Variants in PTPRN2 observed in about 807,000 individuals in gnomAD.
The protein encoded by PTPRN2 is receptor-type tyrosine-protein phosphatase N2.
PTPRN2 carries 74 observed loss-of-function variants against 118.8 expected under a neutral mutation model. That is an observed-to-expected ratio of 0.62 (90% CI 0.52 to 0.76). PTPRN2 has a LOEUF of 0.76. PTPRN2 is among the 30% of genes least tolerant of loss of function. The pLI, the probability that PTPRN2 is intolerant of heterozygous loss-of-function variation, is 0.00. For missense variants in PTPRN2, 1,481 were observed against 1,394.4 expected (o/e 1.06, Z -0.99); for synonymous variants, 641 against 608.0 (o/e 1.05, Z -0.80).
chr7:157,722,866 C>A (rs992930451), intron 12 of PTPRN2, among the ~76,000 whole-genome samples: 11 of 152,090 alleles, frequency 7.2e-5, no homozygotes, highest in African/African-American at 2.4e-4. Context: ...TGGGGCCATG[C>A]TTGGTGGTGG....
At chr7:157,721,025 G>A (rs1049911305) in intron 12 of PTPRN2, among the ~76,000 whole-genome samples, 2 of 138,334 alleles carry the variant, frequency 1.4e-5, no homozygotes, top group Non-Finnish European at 3.2e-5. Flanking sequence ...CGGGATGGAC[G>A]TGGGTCCACA....
At chr7:158,248,431 G>A (rs533226399) in intron 3 of PTPRN2, among the ~76,000 whole-genome samples, 2 of 152,310 alleles carry the variant, frequency 1.3e-5, no homozygotes, top group South Asian at 2.1e-4. Flanking sequence ...CAGGAAGCTT[G>A]TTTCTCATTT....
At chr7:158,448,649 C>A (rs1334579320) in intron 2 of PTPRN2, among the ~76,000 whole-genome samples, 1 of 152,190 alleles carries the variant, frequency 6.6e-6, no homozygotes, top group Non-Finnish European at 1.5e-5. Context: ...ATGGGGCAGT[C>A]CCACCTTAAG....
At chr7:158,258,609 C>G (rs1211513294) in intron 3 of PTPRN2, among the ~76,000 whole-genome samples, 1 of 152,202 alleles carries the variant, frequency 6.6e-6, no homozygotes, top group Non-Finnish European at 1.5e-5. Flanking sequence ...CTCCCCTGCC[C>G]CCCAGTCACA....
chr7:158,520,093 C>A (rs1483613935), intron 1 of PTPRN2, among the ~76,000 whole-genome samples: 1 of 152,226 alleles, frequency 6.6e-6, no homozygotes, highest in South Asian at 2.1e-4. Context: ...CTTGTCATTT[C>A]TTTTAACAAA....
intron 2 of PTPRN2, among the ~76,000 whole-genome samples, chr7:158,461,815 G>A (rs532205098): frequency 1.3e-5 from 2 of 152,302 alleles, no homozygotes. Context: ...TGTAACAAAC[G>A]TGCTTTCAAT....
intron 12 of PTPRN2, among the ~76,000 whole-genome samples, chr7:157,819,740 G>A (rs376653093): frequency 9.2e-5 from 14 of 152,104 alleles, no homozygotes; most frequent in African/African-American, 2.7e-4. Flanking sequence ...CCCTCTGCAC[G>A]CCCCATCACC....
At chr7:158,503,739 G>A (rs1487583185) in intron 1 of PTPRN2, among the ~76,000 whole-genome samples, 5 of 152,206 alleles carry the variant, frequency 3.3e-5, no homozygotes, top group African/African-American at 1.2e-4. Context: ...GGTGGCTCAC[G>A]CCTGTAATCC....
At chr7:158,100,305 A>C (rs1815132485) in intron 10 of PTPRN2, among the ~76,000 whole-genome samples, 1 of 150,290 alleles carries the variant, frequency 6.7e-6, no homozygotes, top group African/African-American at 2.5e-5. Context: ...CTACTCATTG[A>C]TTGATGGGCA....
intron 6 of PTPRN2, among the ~76,000 whole-genome samples, chr7:158,149,053 C>T (rs1260673342): frequency 5.4e-5 from 7 of 129,666 alleles, no homozygotes; most frequent in South Asian, 5.1e-4. Context: ...ACTGACACCC[C>T]ATCTCATGCC....
chr7:158,582,530 G>C (rs2129452512), intron 1 of PTPRN2, among the ~76,000 whole-genome samples: 1 of 151,398 alleles, frequency 6.6e-6, no homozygotes, highest in Middle Eastern at 3.4e-3. Flanking sequence ...ACCAGCCTGG[G>C]CAACATAGCA....
chr7:158,115,255 G>A (rs962149802), intron 9 of PTPRN2, among the ~76,000 whole-genome samples: 5 of 152,250 alleles, frequency 3.3e-5, no homozygotes, highest in African/African-American at 1.2e-4. Context: ...GAGACAGAAG[G>A]GAAACAGCTG....
intron 12 of PTPRN2, among the ~76,000 whole-genome samples, chr7:157,745,128 A>G (rs913939156): frequency 1.1e-4 from 17 of 152,308 alleles, no homozygotes; most frequent in African/African-American, 4.1e-4. Context: ...AGACAGCTCC[A>G]GGAGTGGCCA....
At chr7:158,140,760 G>A (rs900510933) in intron 6 of PTPRN2, among the ~76,000 whole-genome samples, 3 of 152,186 alleles carry the variant, frequency 2.0e-5, no homozygotes, top group South Asian at 2.1e-4. Context: ...TGCGTCCAAC[G>A]CGTCATCGTG....
intron 1 of PTPRN2, among the ~76,000 whole-genome samples, chr7:158,569,099 C>T (rs951903940): frequency 1.3e-5 from 2 of 152,220 alleles, no homozygotes; most frequent in Non-Finnish European, 2.9e-5. Flanking sequence ...TGCACTCCAG[C>T]CTGGGCGACA....
chr7:157,727,964 C>T (rs1283683477), intron 12 of PTPRN2, among the ~76,000 whole-genome samples: 1 of 152,212 alleles, frequency 6.6e-6, no homozygotes, highest in East Asian at 1.9e-4. Context: ...AGCTGAGCAC[C>T]CTCCCCTCTG....
At chr7:158,007,721 G>A (rs994802867) in intron 11 of PTPRN2, among the ~76,000 whole-genome samples, 6 of 152,164 alleles carry the variant, frequency 3.9e-5, no homozygotes, top group Non-Finnish European at 8.8e-5. Flanking sequence ...ATCTGGGTGT[G>A]TGCATTGCAT....
chr7:158,471,783 T>C (rs1377937696), intron 2 of PTPRN2, among the ~76,000 whole-genome samples: 1 of 152,060 alleles, frequency 6.6e-6, no homozygotes, highest in African/African-American at 2.4e-5. Context: ...CTACAAATCA[T>C]TTCTCTGATT....
At position 157,996,038 on chromosome 7, in the gene PTPRN2, CT is replaced by C. The variant is rs1804701832; in HGVS notation, c.1723+85259del. Among the ~76,000 whole-genome samples the C allele has an allele frequency of 2.0e-5, 3 of 152,190 alleles. No homozygotes were observed. The South Asian group carries it at 6.2e-4, about 31-fold the overall frequency. ...CCTGTCTGTTGCACACAATGGAATA[CT>C]ATTCAGCCATAAAAAAGGATGAAGT... On this transcript the variant is annotated intron_variant, in intron 11 of 22. Coordinates refer to ENST00000389418, the MANE Select transcript of PTPRN2 (RefSeq NM_002847.5).
Sources: allele counts gnomAD v4.1 joint callset (sites outside exome capture counted in the v4.1 genomes callset), GRCh38; gene constraint gnomAD v4.1.1; transcripts MANE v1.5; gene names NCBI Gene and HGNC (gene_info 2026-07-23, HGNC 2026-07-21).